WASHC4: variants seen among roughly 807,000 people sequenced by gnomAD.
WASHC4 encodes the protein WASH complex subunit 7.
In WASHC4, 86 loss-of-function variants were observed where a neutral mutation model predicts 166.6. The observed-to-expected ratio is 0.52, with a 90% CI of 0.43 to 0.62. WASHC4 has a LOEUF of 0.62. WASHC4 is among the 20% of genes least tolerant of loss of function. WASHC4 has a pLI of 0.00. For synonymous variants in WASHC4, 446 were observed against 451.6 expected (o/e 0.99, Z 0.16); for missense variants, 1,262 against 1,382.4 (o/e 0.91, Z 1.38).
At chr12:105,145,062 A>G (rs991259229) in intron 22 of WASHC4, among the ~76,000 whole-genome samples, 190 bp downstream of exon 22, 2 of 151,842 alleles carry the variant, frequency 1.3e-5, no homozygotes, top group African/African-American at 2.4e-5. Context: ...AAAGGAATTT[A>G]CCACCGGGGT....
chr12:105,146,386 C>A, intron 22 of WASHC4, 66 bp from the exon 23 acceptor site: 1 of 948,224 alleles, frequency 1.1e-6, no homozygotes, highest in Non-Finnish European at 1.7e-6. Context: ...AGTCATTATG[C>A]TGATACAAGT....
At position 105,114,369 on chromosome 12, in the gene WASHC4, A is replaced by G. The variant is rs1160448358; in HGVS notation, c.263A>G (p.Asn88Ser). 2 of 1,600,404 alleles carry G rather than the reference A, an allele frequency of 1.2e-6. No homozygotes were observed. The highest frequency in any genetic ancestry group is 1.7e-6 in the Non-Finnish European group (2 of 1,171,736). ...ELIKTENKVL[N>S]KVITVYAALC... ...TTTTACTCATGAAACTAGGTCTTAAACAAAGTCATCACTGTTTATGCTGCA... is the reference window on the plus strand; with the variant it reads ...TTTTACTCATGAAACTAGGTCTTAAGCAAAGTCATCACTGTTTATGCTGCA... The change falls in exon 4 of 33, where the codon AAC (asparagine) becomes AGC (serine). Residue 88 changes from asparagine (N) to serine (S), a missense_variant. Coordinates refer to ENST00000332180, the MANE Select transcript of WASHC4 (RefSeq NM_015275.3).
chr12:105,151,843 A>G (rs1164471253), intron 25 of WASHC4, among the ~76,000 whole-genome samples: 2 of 152,238 alleles, frequency 1.3e-5, no homozygotes, highest in Non-Finnish European at 2.9e-5. Context: ...GCTATTATGT[A>G]AGAATTGCTT....
At chr12:105,121,562 C>T (rs1196835) in intron 9 of WASHC4, among the ~76,000 whole-genome samples, 57,039 of 152,142 alleles carry the variant, frequency 0.37, 11,438 homozygotes, top group Middle Eastern at 0.54. Context: ...GGCTGGAGTG[C>T]AGTGGCGTGA....
intron 32 of WASHC4, among the ~76,000 whole-genome samples, chr12:105,166,639 C>T (rs1884823650): frequency 6.6e-6 from 1 of 152,116 alleles, no homozygotes; most frequent in Admixed American, 6.6e-5. Flanking sequence ...CCCTCAACTC[C>T]ACCTTCATTA....
At chr12:105,155,135 A>G (rs1884041432) in intron 26 of WASHC4, 1 of 152,224 alleles carries the variant, frequency 6.6e-6, no homozygotes, top group Non-Finnish European at 1.5e-5. Flanking sequence ...GGGATGGAGC[A>G]GTGAAGAAGA....
At chr12:105,136,633 C>T (rs1365717858) in intron 14 of WASHC4, among the ~76,000 whole-genome samples, 1 of 152,062 alleles carries the variant, frequency 6.6e-6, no homozygotes, top group Non-Finnish European at 1.5e-5. Flanking sequence ...CCTTTTTCTG[C>T]CTGACTTAGA....
intron 1 of WASHC4, among the ~76,000 whole-genome samples, chr12:105,109,627 C>T (rs1399424859): frequency 6.9e-6 from 1 of 144,258 alleles, no homozygotes; most frequent in Non-Finnish European, 1.5e-5. Flanking sequence ...GATTTATTGG[C>T]GTGGTGTTTC....
intron 6 of WASHC4, among the ~76,000 whole-genome samples, chr12:105,117,106 A>C (rs922193198): frequency 6.6e-6 from 1 of 152,178 alleles, no homozygotes; most frequent in Non-Finnish European, 1.5e-5. Context: ...ATCTTTTATC[A>C]TCATTTGTGA....
intron 13 of WASHC4, among the ~76,000 whole-genome samples, chr12:105,132,399 T>C (rs1477378196): frequency 6.6e-6 from 1 of 152,230 alleles, no homozygotes; most frequent in Non-Finnish European, 1.5e-5. Context: ...CACAAACTGC[T>C]GACCTCAGGC....
intron 27 of WASHC4, 70 bp from the exon 28 acceptor site, chr12:105,157,166 A>T: frequency 1.2e-6 from 1 of 806,048 alleles, no homozygotes; most frequent in East Asian, 2.5e-5. Flanking sequence ...CTGCAGTACC[A>T]CTTTTATATC....
rs1029531817 is a variant in WASHC4, at chr12:105,107,768, G to C, written c.-33G>C. 5.9e-6 allele frequency: 9 copies of C among 1,529,414 alleles called. No individual in the cohort carries two copies. The East Asian group carries it at 2.0e-4, about 33-fold the overall frequency. 94.7% of individuals were successfully genotyped at this position (1,529,414 alleles called of 1,614,324 possible). On this transcript the variant is annotated 5_prime_UTR_variant, in exon 1 of 33. Coordinates refer to ENST00000332180, the MANE Select transcript of WASHC4 (RefSeq NM_015275.3). ...GAGGCCGTCGTCGCCGCACGGGCTG[G>C]TTGGGGCTGTGTCTGTGGGAGGCGC...
chr12:105,141,123 C>A, intron 17 of WASHC4, 44 bp from the exon 18 acceptor site: 1 of 1,609,110 alleles, frequency 6.2e-7, no homozygotes, highest in Non-Finnish European at 8.5e-7. Flanking sequence ...ACCCTAGAAA[C>A]CTTTGACTGC....
chr12:105,133,078 G>C (rs569097059), intron 13 of WASHC4, among the ~76,000 whole-genome samples: 1 of 151,946 alleles, frequency 6.6e-6, no homozygotes, highest in Non-Finnish European at 1.5e-5. Flanking sequence ...AGATCCTCTA[G>C]TGGCTTTCTG....
intron 13 of WASHC4, among the ~76,000 whole-genome samples, chr12:105,133,342 C>G (rs1052258434): frequency 1.1e-4 from 16 of 152,212 alleles, no homozygotes; most frequent in African/African-American, 3.9e-4. Context: ...AACTTTGGCT[C>G]AAAATCACCT....
At chr12:105,157,913 A>G (rs1424385054) in intron 28 of WASHC4, among the ~76,000 whole-genome samples, 3 of 151,844 alleles carry the variant, frequency 2.0e-5, no homozygotes, top group Non-Finnish European at 4.4e-5. Flanking sequence ...CCATAACACG[A>G]GAGGCATGCA....
intron 13 of WASHC4, among the ~76,000 whole-genome samples, chr12:105,128,767 C>T (rs959529217): frequency 8.5e-5 from 10 of 118,048 alleles, no homozygotes; most frequent in African/African-American, 3.6e-4. Flanking sequence ...CATTAAATTC[C>T]GTTTTGTTTT....
intron 28 of WASHC4, among the ~76,000 whole-genome samples, chr12:105,157,563 C>T (rs1884249296): frequency 6.6e-6 from 1 of 152,158 alleles, no homozygotes; most frequent in African/African-American, 2.4e-5. Context: ...TTTGGCTGGT[C>T]CACACTGAGA....
chr12:105,117,195 A>T (rs1220190868), intron 6 of WASHC4, among the ~76,000 whole-genome samples: 1 of 152,134 alleles, frequency 6.6e-6, no homozygotes, highest in African/African-American at 2.4e-5. Flanking sequence ...TACTGTACTG[A>T]TGCTAATCAA....
Sources: gnomAD v4.1 joint callset for allele counts (sites outside exome capture counted in the v4.1 genomes callset) on GRCh38, gnomAD v4.1.1 for gene constraint, MANE v1.5 for transcripts, NCBI Gene and HGNC (gene_info 2026-07-23, HGNC 2026-07-21) for gene names.